CUL7: variants seen among roughly 807,000 people sequenced by gnomAD.
CUL7 encodes the protein cullin-7.
CUL7 carries 96 observed loss-of-function variants against 177.7 expected under a neutral mutation model. The ratio of observed to expected loss-of-function variants is 0.54; its 90% CI spans 0.46 to 0.64. The LOEUF (loss-of-function observed/expected upper bound fraction) is 0.64, where lower values mean the gene tolerates loss of function less well. CUL7 is among the 30% of genes least tolerant of loss of function. The pLI is 0.00. For missense variants in CUL7, 1,893 were observed against 2,187.9 expected, an observed-to-expected ratio of 0.87 and a Z score of 2.69; for synonymous variants, 824 against 890.2, an observed-to-expected ratio of 0.93 and a Z score of 1.32.
Position 43,038,311 on chromosome 6 carries a change from C to A in CUL7, c.4729G>T (p.Ala1577Ser), listed in dbSNP as rs1406298767. The A allele has an allele frequency of 6.2e-7, 1 of 1,614,064 alleles. No homozygotes were observed. Among genetic ancestry groups the A allele is most frequent in the East Asian group, 2.2e-5 (1 of 44,888 alleles). The stretch of plus-strand genomic sequence containing the variant: ...ATGTGCAGCCCCTCATCTCCATGGG[C>A]CTTGAGGATTCGGACGATGAGGCAG... ...LNCLIVRILK[A>S]HGDEGLHIDQ... is the part of the protein sequence containing the mutation. Residue 1577 changes from alanine to serine, a missense_variant, in exon 25 of 26, where the codon GCC (alanine) becomes TCC (serine). By Grantham distance (99) the Ala-to-Ser change is moderately conservative (BLOSUM62 1). Transcript: ENST00000265348.
chr6:43,041,780 C>T (rs1044119419), intron 19 of CUL7, among the ~76,000 whole-genome samples: 5 of 151,126 alleles, frequency 3.3e-5, no homozygotes, highest in South Asian at 2.1e-4. Context: ...GTGAGGCGGG[C>T]GGATCACGAG....
At chr6:43,047,188 T>C in intron 9 of CUL7, 81 bp from the exon 10 acceptor site, 7 of 798,388 alleles carry the variant, frequency 8.8e-6, no homozygotes, top group South Asian at 8.1e-5. Flanking sequence ...GTACCCACTG[T>C]GTACTCTGTG....
At position 43,046,274 on chromosome 6, in the gene CUL7, G is replaced by C. The variant is rs773020698; in HGVS notation, c.2622C>G (p.His874Gln). The C allele has an allele frequency of 1.9e-6, 3 of 1,614,242 alleles. No homozygotes were observed. The Admixed American group carries it at 5.0e-5, about 27-fold the overall frequency. The stretch of plus-strand genomic sequence containing the variant: ...CCCGGCGCATGTGCAGGGTGATGTA[G>C]TGGGAGCCGGCGCTGCCGTTGGACT... ...YWESNGSAGS[H>Q]YITLHMRRGI... is the part of the protein sequence containing the mutation. Residue 874 changes from histidine to glutamine, a missense_variant, in exon 12 of 26, where the codon CAC becomes CAG. His to Gln is a conservative substitution (Grantham distance 24). Around this residue, in one of 5 missense-constraint regions of CUL7, gnomAD observed 973 missense variants for 1,140.9 expected, o/e 0.85. Transcript: ENST00000265348.
At position 43,038,503 on chromosome 6, in the gene CUL7, G is replaced by A. The variant is rs200996015; in HGVS notation, c.4568-31C>T. 29 of 1,613,780 alleles carry A rather than the reference G, an allele frequency of 1.8e-5. No individual in the cohort carries two copies. In the Admixed American group the frequency reaches 3.3e-4, roughly 19 times the overall value. On this transcript the variant is annotated intron_variant, in intron 24 of 25. Coordinates refer to ENST00000265348, the MANE Select transcript of CUL7 (RefSeq NM_014780.5). ...ATAAATGCTGATCACTCACTCAGTG[G>A]AGAGCCCACGAGGAGCCTGGCCCTG...
chr6:43,046,571 G>A lies in CUL7; in HGVS notation c.2428C>T (p.Arg810Ter), dbSNP rs1473516947. The A allele has an allele frequency of 1.4e-5, 22 of 1,614,022 alleles. No individual in the cohort carries two copies. Among genetic ancestry groups the A allele is most frequent in the East Asian group, 2.2e-5 (1 of 44,892 alleles). ...MVLGQIEDHR[R>*]THQPINIPFF... ...GGGATGTTGATGGGTTGGTGGGTTC[G>A]TCTGTGGTCTTCGATCTGGCCCAGC... is the stretch of plus-strand genomic sequence containing the variant. Residue 810 changes from arginine to a stop codon, truncating the protein, a stop_gained, in exon 11 of 26, where the codon CGA (arginine) becomes TGA (stop). Transcript: ENST00000265348. LOFTEE classifies it high-confidence loss of function.
chr6:43,052,399 G>A lies in CUL7; in HGVS notation c.390C>T (p.Gly130=), dbSNP rs1170635764. Residue 130 remains glycine (G), a synonymous_variant, in exon 2 of 26, where the codon GGC becomes GGT. Transcript: ENST00000265348. This position sits in a 1 kb window ranked among gnomAD's most constrained non-coding sequence, Gnocchi z 4.5. ...RALRQLEECV[G]TIPPAPLLHT... is the part of the protein sequence containing the mutation. ...GAAGTAGAGGAGCAGGAGGGATAGT[G>A]CCCACACACTCCTCCAGCTGCCGAA... 1.2e-6 allele frequency: 2 copies of A among 1,614,030 alleles called. No homozygotes were observed. The highest frequency in any genetic ancestry group is 1.7e-6 in the Non-Finnish European group (2 of 1,179,966).
At position 43,050,183 on chromosome 6, in the gene CUL7, C is replaced by A; in HGVS notation, c.1373-24G>T. ...GGCTGTGAAAATGGGCCAAGGGGCA[C>A]AAGGATGTCACTAGCAACTCAGCAG... On this transcript the variant is annotated intron_variant, in intron 5 of 25. Transcript: ENST00000265348. The surrounding 1 kb of genome is among the most constrained non-coding windows in gnomAD (Gnocchi z 4.1). 6.2e-7 allele frequency: 1 copy of A among 1,614,174 alleles called. No individual in the cohort carries two copies. The highest frequency in any genetic ancestry group is 8.5e-7 in the Non-Finnish European group (1 of 1,180,032).
In CUL7 at chr6:43,046,285, C is replaced by A. The variant is rs368011828; in HGVS notation, c.2611G>T (p.Ala871Ser). The change falls in exon 12 of 26, where the codon GCC (alanine) becomes TCC (serine). Residue 871 changes from alanine (A) to serine (S), a missense_variant. Physicochemically the swap from Ala to Ser is moderately conservative, Grantham distance 99. This residue lies in a region of CUL7 where 973 missense variants were observed against 1,140.9 expected (regional missense o/e 0.85). Transcript: ENST00000265348. Reference sequence around the variant, plus strand: ...TGCAGGGTGATGTAGTGGGAGCCGGCGCTGCCGTTGGACTCCCAATAGGTC... The same window carrying A: ...TGCAGGGTGATGTAGTGGGAGCCGGAGCTGCCGTTGGACTCCCAATAGGTC... Reference protein sequence around the residue: ...PKTYWESNGSAGSHYITLHMR... With the variant: ...PKTYWESNGSSGSHYITLHMR... 2 of 1,614,218 alleles carry A rather than the reference C, an allele frequency of 1.2e-6. No homozygotes were observed. The highest frequency in any genetic ancestry group is 2.2e-5 in the South Asian group (2 of 91,090).
At chr6:43,041,708 G>A (rs1763432795) in intron 19 of CUL7, among the ~76,000 whole-genome samples, 1 of 151,176 alleles carries the variant, frequency 6.6e-6, no homozygotes, top group African/African-American at 2.4e-5. Flanking sequence ...GAAGGGGAAG[G>A]GAAGGGAAAG....
At chr6:43,047,189 G>A (rs1458723611) in intron 9 of CUL7, 82 bp from the exon 10 acceptor site, 1 of 798,750 alleles carries the variant, frequency 1.3e-6, no homozygotes, top group African/African-American at 1.7e-5. Flanking sequence ...TACCCACTGT[G>A]TACTCTGTGT....
At position 43,043,907 on chromosome 6, in the gene CUL7, G is replaced by A. The variant is rs576589915; in HGVS notation, c.3173-277C>T. 2.6e-5 allele frequency among the ~76,000 whole-genome samples: 4 copies of A among 152,344 alleles called. No homozygotes were observed. In the South Asian group the frequency reaches 8.3e-4, roughly 32 times the overall value. On this transcript the variant is annotated intron_variant, in intron 16 of 25. Transcript: ENST00000265348. This position sits in a 1 kb window ranked among gnomAD's most constrained non-coding sequence, Gnocchi z 4.2. ...AAAAAAATAGAAAAGGCCAGGTGCG[G>A]TGGCTCATGCCTGTAATCCCAGCAC...
At chr6:43,039,735 CTT>C (rs763879172) in intron 22 of CUL7, among the ~76,000 whole-genome samples, 8 of 94,908 alleles carry the variant, frequency 8.4e-5, no homozygotes, top group South Asian at 3.8e-4. Flanking sequence ...AAGACCAACT[CTT>C]TTTTTTTTTT....
At chr6:43,041,153 G>T in intron 19 of CUL7, 78 bp from the exon 20 acceptor site, 1 of 1,448,060 alleles carries the variant, frequency 6.9e-7, no homozygotes, top group Non-Finnish European at 9.6e-7. Flanking sequence ...TGAGGGTCTG[G>T]AAAGTAGATA....
Position 43,051,298 on chromosome 6 carries a change from G to A in CUL7, c.903C>T (p.Gly301=). ...CTTGCACCAGCTCCGAGATCAGGGT[G>A]CCCATGGCCATACTGAACTCCAGCT... is the stretch of plus-strand genomic sequence containing the variant. ...QLELEFSMAM[G]TLISELVQAM... Residue 301 remains glycine, a synonymous_variant, in exon 4 of 26, where the codon GGC becomes GGT. Coordinates refer to ENST00000265348, the MANE Select transcript of CUL7 (RefSeq NM_014780.5). The surrounding 1 kb of genome is among the most constrained non-coding windows in gnomAD (Gnocchi z 5.0). The A allele has an allele frequency of 6.2e-7, 1 of 1,610,176 alleles. No homozygotes were observed. The highest frequency in any genetic ancestry group is 1.1e-5 in the South Asian group (1 of 90,890).
rs1335604396 is a variant in CUL7, at chr6:43,045,100, A to T, written c.3038+127T>A. ...TTCTTCCCCTCCCACAGCTCAGAAA[A>T]CTCCAGCCCCCTCCCCACGCATATT... is the stretch of plus-strand genomic sequence containing the variant. On this transcript the variant is annotated intron_variant, in intron 15 of 25. Coordinates refer to ENST00000265348, the MANE Select transcript of CUL7 (RefSeq NM_014780.5). This position sits in a 1 kb window ranked among gnomAD's most constrained non-coding sequence, Gnocchi z 4.8. The T allele has an allele frequency of 5.8e-6, 8 of 1,386,636 alleles. No homozygotes were observed. Among genetic ancestry groups the T allele is most frequent in the Non-Finnish European group, 7.9e-6 (8 of 1,007,058 alleles). The allele number at this position is 1,386,636 out of a possible 1,614,324, so 85.9% of individuals were successfully genotyped here.
intron 7 of CUL7, 30 bp downstream of exon 7, chr6:43,049,377 G>T: frequency 6.2e-7 from 1 of 1,614,038 alleles, no homozygotes; most frequent in Non-Finnish European, 8.5e-7. Context: ...CTGAAGGTGT[G>T]TCAGCTCAGC....
In CUL7 at chr6:43,044,776, C is replaced by T. The variant is rs753529304; in HGVS notation, c.3148G>A (p.Val1050Met). Residue 1050 changes from valine to methionine, a missense_variant, in exon 16 of 26, where the codon GTG becomes ATG. Val to Met is a conservative substitution (Grantham distance 21, BLOSUM62 1). Coordinates refer to ENST00000265348, the MANE Select transcript of CUL7 (RefSeq NM_014780.5). ...CCAGGGGAGGTGATGTTCTGCACCA[C>T]GGGGCTGACCAGGGCCTCCCAGCAG... ...KTCWEALVSP[V>M]VQNITSPDED... 21 of 1,611,900 alleles carry T rather than the reference C, an allele frequency of 1.3e-5. No homozygotes were observed. Among genetic ancestry groups the T allele is most frequent in the South Asian group, 8.8e-5 (8 of 91,012 alleles).
In CUL7 at chr6:43,038,019, G is replaced by A. The variant is rs530204240; in HGVS notation, c.4774-8C>T. The A allele has an allele frequency of 5.0e-6, 8 of 1,586,600 alleles. No individual in the cohort carries two copies. Among genetic ancestry groups the A allele is most frequent in the Admixed American group, 1.7e-5 (1 of 57,920 alleles). On this transcript the variant is annotated splice_polypyrimidine_tract_variant and splice_region_variant and intron_variant, in intron 25 of 25. Coordinates refer to ENST00000265348, the MANE Select transcript of CUL7 (RefSeq NM_014780.5). ...CTGCCAAGCCTCCAGCACCTGGTGT[G>A]GGGGAGGAAGGGAGAAGCGGTAGTT...
Position 43,045,179 on chromosome 6 carries a change from G to C in CUL7, c.3038+48C>G, listed in dbSNP as rs1461735118. The C allele has an allele frequency of 6.3e-7, 1 of 1,588,266 alleles. No homozygotes were observed. Among genetic ancestry groups the C allele is most frequent in the East Asian group, 2.3e-5 (1 of 43,500 alleles). On this transcript the variant is annotated intron_variant, in intron 15 of 25. Transcript: ENST00000265348. This position sits in a 1 kb window ranked among gnomAD's most constrained non-coding sequence, Gnocchi z 4.8. The stretch of plus-strand genomic sequence containing the variant: ...CCCTGCCTGCCAGCTATTTGCAATA[G>C]CCTTACCTTTCCCACAGACACAAGC...
Sources: gnomAD v4.1 joint callset for allele counts (sites outside exome capture counted in the v4.1 genomes callset) on GRCh38, gnomAD v4.1.1 for gene constraint, gnomAD v4.1.1 regional missense constraint, Gnocchi (gnomAD v3.1) non-coding constraint, MANE v1.5 for transcripts, NCBI Gene and HGNC (gene_info 2026-07-23, HGNC 2026-07-21) for gene names.